The following EML4 variants were observed in gnomAD, a reference collection of about 807,000 sequenced individuals.
EML4 encodes the protein echinoderm microtubule-associated protein-like 4.
Under a neutral mutation model 129.0 loss-of-function variants are expected in EML4, and 72 were observed. The ratio of observed to expected loss-of-function variants is 0.56; its 90% CI spans 0.46 to 0.68. The LOEUF (loss-of-function observed/expected upper bound fraction) is 0.68. Among genes scored for constraint, EML4 ranks in the 30% least tolerant of loss-of-function variants. EML4 has a pLI of 0.00. For missense variants in EML4, 1,363 were observed against 1,190.6 expected (o/e 1.14, Z -2.13); for synonymous variants, 532 against 405.0 (o/e 1.31, Z -3.77).
intron 1 of EML4, among the ~76,000 whole-genome samples, chr2:42,188,652 G>C (rs140939130): frequency 2.6e-5 from 4 of 151,522 alleles, no homozygotes; most frequent in East Asian, 2.0e-4. Context: ...TTAGCCTCCC[G>C]AGTAGCAGGG....
chr2:42,192,071 G>A (rs188538260), intron 1 of EML4, among the ~76,000 whole-genome samples: 10 of 150,410 alleles, frequency 6.6e-5, no homozygotes, highest in Non-Finnish European at 1.3e-4. Flanking sequence ...CCTGGGAGGC[G>A]AGGTTGCAGT....
At chr2:42,241,877 G>A (rs548732264) in intron 1 of EML4, among the ~76,000 whole-genome samples, 4 of 150,734 alleles carry the variant, frequency 2.7e-5, no homozygotes, top group East Asian at 2.0e-4. Flanking sequence ...TGTGTGTCGG[G>A]GGGGGGAAGC....
chr2:42,182,863 C>T (rs536213121), intron 1 of EML4, among the ~76,000 whole-genome samples: 1 of 152,308 alleles, frequency 6.6e-6, no homozygotes, highest in South Asian at 2.1e-4. Flanking sequence ...TTGCCATCTT[C>T]TGTGTCCTCA....
At chr2:42,282,432 A>T (rs1341716270) in intron 7 of EML4, among the ~76,000 whole-genome samples, 1 of 152,072 alleles carries the variant, frequency 6.6e-6, no homozygotes. Flanking sequence ...TCTGTGGCCC[A>T]GGCTGGAGTG....
chr2:42,311,671 T>C (rs1022351987), intron 17 of EML4, among the ~76,000 whole-genome samples: 1 of 152,178 alleles, frequency 6.6e-6, no homozygotes, highest in African/African-American at 2.4e-5. Flanking sequence ...CAGTCTGAAT[T>C]GGGATATTAT....
chr2:42,302,473 A>C, intron 14 of EML4, among the ~76,000 whole-genome samples: 1 of 152,184 alleles, frequency 6.6e-6, no homozygotes, highest in East Asian at 1.9e-4. Context: ...TAATATAACT[A>C]ATAAGTAACA....
intron 1 of EML4, among the ~76,000 whole-genome samples, chr2:42,193,655 A>G (rs1275056636): frequency 6.6e-6 from 1 of 150,894 alleles, no homozygotes; most frequent in Non-Finnish European, 1.5e-5. Flanking sequence ...TTTGTCATCT[A>G]TCTATTGAGT....
chr2:42,272,567 G>T (rs1666437335), intron 6 of EML4, among the ~76,000 whole-genome samples: 1 of 152,082 alleles, frequency 6.6e-6, no homozygotes, highest in African/African-American at 2.4e-5. Context: ...ACAGACATGA[G>T]CCACTGTGCC....
In EML4 at chr2:42,322,751, G is replaced by C. The variant is rs117885809; in HGVS notation, c.2155-2716G>C. 2.0e-4 allele frequency among the ~76,000 whole-genome samples: 31 copies of C among 152,324 alleles called. 1 individual carries two copies. The East Asian group carries it at 6.0e-3, about 29-fold the overall frequency. ...AAAGTTTGAGGCTTTTTTCTAAGCT[G>C]TGCATACACTTTGCATTAGCCTGTG... On this transcript the variant is annotated intron_variant, in intron 19 of 22. Transcript: ENST00000318522.
chr2:42,264,756 T>A (rs199870654), intron 6 of EML4, 25 bp downstream of exon 6: 2 of 1,465,306 alleles, frequency 1.4e-6, no homozygotes, highest in Non-Finnish European at 1.9e-6. Context: ...CTTTTAAAAA[T>A]TTTATTTTGC....
intron 16 of EML4, 24 bp downstream of exon 16, chr2:42,303,470 T>C (rs1378274482): frequency 5.0e-6 from 8 of 1,607,744 alleles, no homozygotes; most frequent in Non-Finnish European, 6.8e-6. Context: ...GATGTGATTA[T>C]TAACCTCCCC....
intron 1 of EML4, among the ~76,000 whole-genome samples, chr2:42,171,153 C>T (rs1455369149): frequency 1.3e-5 from 2 of 152,134 alleles, no homozygotes; most frequent in African/African-American, 2.4e-5. Flanking sequence ...CCATTTTTCC[C>T]TGGTTCTTTT....
chr2:42,208,924 A>G (rs773000569), intron 1 of EML4, among the ~76,000 whole-genome samples: 2 of 152,034 alleles, frequency 1.3e-5, no homozygotes, highest in Non-Finnish European at 2.9e-5. Context: ...AGAAGTCCCT[A>G]TAGGTACCCA....
Position 42,268,605 on chromosome 2 carries a change from T to G in EML4, c.667+3874T>G, listed in dbSNP as rs1378926048. 5.9e-5 allele frequency among the ~76,000 whole-genome samples: 9 copies of G among 152,090 alleles called. No individual in the cohort carries two copies. In the East Asian group the frequency reaches 1.5e-3, roughly 26 times the overall value. ...GCACATACCACAACACCCAGCTAAT[T>G]TTTGTATTACTTTATAGAGGCAGGG... is the stretch of plus-strand genomic sequence containing the variant. On this transcript the variant is annotated intron_variant, in intron 6 of 22. Transcript: ENST00000318522.
At chr2:42,279,806 A>G (rs1236894604) in intron 6 of EML4, among the ~76,000 whole-genome samples, 2 of 151,306 alleles carry the variant, frequency 1.3e-5, no homozygotes, top group African/African-American at 4.9e-5. Flanking sequence ...ATTATTATTA[A>G]TAGCCATCCG....
Position 42,184,629 on chromosome 2 carries a change from T to C in EML4, c.25+14993T>C, listed in dbSNP as rs577405362. Among the ~76,000 whole-genome samples the C allele has an allele frequency of 2.9e-4, 44 of 152,282 alleles. 1 individual carries two copies. The highest frequency in any genetic ancestry group is 6.8e-3 in the Middle Eastern group (2 of 294). The stretch of plus-strand genomic sequence containing the variant: ...TGCTTTCTTCTTATACCGTTATTTA[T>C]TCAATATCTCTCCTTTCTCTTACTA... On this transcript the variant is annotated intron_variant, in intron 1 of 22. Transcript: ENST00000318522.
At chr2:42,188,363 G>A (rs1442471070) in intron 1 of EML4, among the ~76,000 whole-genome samples, 1 of 152,054 alleles carries the variant, frequency 6.6e-6, no homozygotes, top group African/African-American at 2.4e-5. Flanking sequence ...TGGGACTACA[G>A]GTGCACACCA....
intron 19 of EML4, among the ~76,000 whole-genome samples, chr2:42,323,963 G>T (rs1669657337): frequency 6.9e-6 from 1 of 144,860 alleles, no homozygotes; most frequent in Non-Finnish European, 1.5e-5. Context: ...AAAAAGAAAA[G>T]AAAAAGAAAA....
Position 42,325,484 on chromosome 2 carries a change from C to T in EML4, c.2172C>T (p.Ile724=), listed in dbSNP as rs781779488. 1.9e-6 allele frequency: 3 copies of T among 1,567,042 alleles called. No homozygotes were observed. Among genetic ancestry groups the T allele is most frequent in the Non-Finnish European group, 1.7e-6 (2 of 1,143,042 alleles). Reference sequence around the variant, plus strand: ...TTTTCTAGGGACATTCCAGCTACATCACACACCTTGACTGGTCCCCAGACA... The same window carrying T: ...TTTTCTAGGGACATTCCAGCTACATTACACACCTTGACTGGTCCCCAGACA... The part of the protein sequence containing the change: ...YGRCTGHSSY[I]THLDWSPDNK... Residue 724 remains isoleucine (I), a synonymous_variant, in exon 20 of 23, where the codon ATC becomes ATT. Coordinates refer to ENST00000318522, the MANE Select transcript of EML4 (RefSeq NM_019063.5).
Sources: gnomAD v4.1 joint callset for allele counts (sites outside exome capture counted in the v4.1 genomes callset) on GRCh38, gnomAD v4.1.1 for gene constraint, MANE v1.5 for transcripts, NCBI Gene and HGNC (gene_info 2026-07-23, HGNC 2026-07-21) for gene names.